The following FAM81A variants were observed in gnomAD, a reference collection of about 807,000 sequenced individuals.
FAM81A encodes family with sequence similarity 81 member A, also known as protein FAM81A.
In FAM81A, 19 loss-of-function variants were observed where a neutral mutation model predicts 46.7. That is an observed-to-expected ratio of 0.41 (90% CI 0.28 to 0.60). The LOEUF (loss-of-function observed/expected upper bound fraction) is 0.60, where lower values mean the gene tolerates loss of function less well. Ranked by LOEUF, FAM81A falls within the 20% of genes least tolerant of loss-of-function variation. FAM81A has a pLI of 0.34. For missense variants in FAM81A, 377 were observed against 453.5 expected, an observed-to-expected ratio of 0.83 and a Z score of 1.53; for synonymous variants, 183 against 152.9, an observed-to-expected ratio of 1.20 and a Z score of -1.45.
intron 3 of FAM81A, among the ~76,000 whole-genome samples, chr15:59,490,598 G>T (rs536987858): frequency 6.6e-6 from 1 of 152,110 alleles, no homozygotes; most frequent in East Asian, 1.9e-4. Flanking sequence ...TTGGGAGGCC[G>T]AGGTGGGTGG....
At chr15:59,449,044 C>G (rs888675247) in intron 1 of FAM81A, among the ~76,000 whole-genome samples, 1 of 152,054 alleles carries the variant, frequency 6.6e-6, no homozygotes, top group Non-Finnish European at 1.5e-5. Flanking sequence ...TATCCAATAG[C>G]CATTTATAGA....
At chr15:59,512,843 G>T (rs1163621987) in intron 6 of FAM81A, among the ~76,000 whole-genome samples, 1 of 152,200 alleles carries the variant, frequency 6.6e-6, no homozygotes, top group African/African-American at 2.4e-5. Context: ...CAGAAGCTTT[G>T]TTTTTAAAGA....
intron 2 of FAM81A, among the ~76,000 whole-genome samples, chr15:59,430,398 G>A (rs191750163): frequency 6.6e-6 from 1 of 151,764 alleles, no homozygotes; most frequent in Non-Finnish European, 1.5e-5. Context: ...CTGTGTAGCT[G>A]GGATTACAGG....
intron 2 of FAM81A, chr15:59,407,666 C>A: frequency 6.0e-6 from 1 of 166,514 alleles, no homozygotes. Flanking sequence ...TCGATGGGAT[C>A]CACATCATGT....
intron 2 of FAM81A, among the ~76,000 whole-genome samples, chr15:59,409,872 TGGTGCCACAGAC>T (rs1297644704): frequency 2.6e-5 from 4 of 152,194 alleles, no homozygotes; most frequent in African/African-American, 9.7e-5. Context: ...ATTAAATTAT[TGGTGCCACAGAC>T]ATTTTACTGT....
chr15:59,516,749 G>A lies in FAM81A; in HGVS notation c.891G>A (p.Arg297=). The A allele has an allele frequency of 1.9e-6, 3 of 1,613,650 alleles. No homozygotes were observed. Among genetic ancestry groups the A allele is most frequent in the Non-Finnish European group, 1.7e-6 (2 of 1,179,784 alleles). ...QKKTFDGQRT[R]QEEEKMHGRI... ...AGACTTTTGATGGTCAGAGAACAAG[G>A]CAAGAAGAGGAGAAGATGCACGGGC... The change falls in exon 8 of 9, where the codon AGG becomes AGA. Residue 297 remains arginine (R), a synonymous_variant. Transcript: ENST00000288228.
chr15:59,405,037 A>G (rs11071442), intron 2 of FAM81A, among the ~76,000 whole-genome samples: 52,810 of 152,054 alleles, frequency 0.35, 9,885 homozygotes, highest in African/African-American at 0.48. Context: ...CTGTCTGCCA[A>G]GAGTGCTCTT....
At chr15:59,479,235 G>A (rs1457237703) in intron 3 of FAM81A, among the ~76,000 whole-genome samples, 1 of 152,168 alleles carries the variant, frequency 6.6e-6, no homozygotes, top group Non-Finnish European at 1.5e-5. Context: ...ATGGTGGCCG[G>A]GCGCGGTGGC....
At chr15:59,506,121 G>C (rs2082146381) in intron 4 of FAM81A, among the ~76,000 whole-genome samples, 1 of 152,176 alleles carries the variant, frequency 6.6e-6, no homozygotes, top group African/African-American at 2.4e-5. Flanking sequence ...TGGTCATCAA[G>C]AACTCTTCTA....
intron 4 of FAM81A, among the ~76,000 whole-genome samples, 157 bp from the exon 5 acceptor site, chr15:59,507,056 G>A (rs1567074957): frequency 6.6e-6 from 1 of 152,230 alleles, no homozygotes; most frequent in Non-Finnish European, 1.5e-5. Flanking sequence ...AAACCATAAT[G>A]AGGCCAGCTC....
At chr15:59,490,758 T>C (rs12913655) in intron 3 of FAM81A, among the ~76,000 whole-genome samples, 126,055 of 152,180 alleles carry the variant, frequency 0.83, 52,705 homozygotes, top group African/African-American at 0.94. Context: ...ATCGCTTGAA[T>C]CCAGGAGGTG....
At chr15:59,467,116 A>C (rs1228342779) in intron 3 of FAM81A, among the ~76,000 whole-genome samples, 1 of 152,160 alleles carries the variant, frequency 6.6e-6, no homozygotes, top group Non-Finnish European at 1.5e-5. Flanking sequence ...GTAGCCTTGT[A>C]GGATAGTTTG....
In FAM81A at chr15:59,460,268, G is replaced by A; in HGVS notation, c.294+62G>A. 5.6e-6 allele frequency: 9 copies of A among 1,609,064 alleles called. No individual in the cohort carries two copies. Among genetic ancestry groups the A allele is most frequent in the Non-Finnish European group, 7.7e-6 (9 of 1,176,246 alleles). On this transcript the variant is annotated intron_variant, in intron 3 of 8. Coordinates refer to ENST00000288228, the MANE Select transcript of FAM81A (RefSeq NM_152450.3). This position sits in a 1 kb window ranked among gnomAD's most constrained non-coding sequence, Gnocchi z 4.4. ...TCCACAGAATTGCTCCATGTCAGGA[G>A]GTCACCCACATCTAACTCCTACCTC...
chr15:59,434,757 T>C (rs953470031), upstream of FAM81A, among the ~76,000 whole-genome samples: 1 of 152,240 alleles, frequency 6.6e-6, no homozygotes, highest in Non-Finnish European at 1.5e-5. Flanking sequence ...CGGTTGAGAA[T>C]TGCTGAGGAC....
chr15:59,519,175 G>A (rs2141850808), intron 8 of FAM81A, among the ~76,000 whole-genome samples: 1 of 151,298 alleles, frequency 6.6e-6, no homozygotes, highest in Middle Eastern at 3.4e-3. Flanking sequence ...TATTCTCTAT[G>A]TTTTTGACTT....
At position 59,460,013 on chromosome 15, in the gene FAM81A, A is replaced by C; in HGVS notation, c.101A>C (p.Glu34Ala). The change falls in exon 3 of 9, where the codon GAA becomes GCA. Residue 34 changes from glutamate (E) to alanine (A), a missense_variant. Coordinates refer to ENST00000288228, the MANE Select transcript of FAM81A (RefSeq NM_152450.3). This position sits in a 1 kb window ranked among gnomAD's most constrained non-coding sequence, Gnocchi z 4.4. ...YSSVSLVEQL[E>A]DRILCHEKTT... ...TCTGTAAGCCTCGTGGAGCAGCTGG[A>C]AGACAGGATCCTCTGCCATGAGAAA... is the stretch of plus-strand genomic sequence containing the variant. The C allele has an allele frequency of 6.2e-7, 1 of 1,613,844 alleles. No individual in the cohort carries two copies. Among genetic ancestry groups the C allele is most frequent in the Non-Finnish European group, 8.5e-7 (1 of 1,179,844 alleles).
chr15:59,456,134 T>C (rs1053114787), intron 1 of FAM81A, among the ~76,000 whole-genome samples: 3 of 152,132 alleles, frequency 2.0e-5, no homozygotes, highest in African/African-American at 7.2e-5. Flanking sequence ...AGAGAGCCAC[T>C]TTATAGACTG....
At chr15:59,410,058 A>G in intron 2 of FAM81A, among the ~76,000 whole-genome samples, 1 of 152,104 alleles carries the variant, frequency 6.6e-6, no homozygotes, top group East Asian at 1.9e-4. Flanking sequence ...TCCCAAAACT[A>G]TGGGAGGCTG....
At chr15:59,419,136 T>C (rs11858794) in intron 2 of FAM81A, among the ~76,000 whole-genome samples, 6,543 of 152,288 alleles carry the variant, frequency 0.043, 157 homozygotes, top group African/African-American at 0.056. Flanking sequence ...TAGGGTAATG[T>C]CCTGAACACA....
Sources: allele counts gnomAD v4.1 joint callset (sites outside exome capture counted in the v4.1 genomes callset), GRCh38; gene constraint gnomAD v4.1.1; non-coding constraint Gnocchi (gnomAD v3.1); transcripts MANE v1.5; gene names NCBI Gene and HGNC (gene_info 2026-07-23, HGNC 2026-07-21).